Variants in THSD7B observed in about 807,000 individuals in gnomAD.
THSD7B encodes the protein thrombospondin type 1 domain containing 7B.
THSD7B carries 138 observed loss-of-function variants against 213.6 expected under a neutral mutation model. The ratio of observed to expected loss-of-function variants is 0.65; its 90% CI spans 0.56 to 0.74. The LOEUF (loss-of-function observed/expected upper bound fraction) is 0.74. THSD7B is among the 30% of genes least tolerant of loss of function. The pLI, the probability that THSD7B is intolerant of heterozygous loss-of-function variation, is 0.00. For missense variants in THSD7B, 1,931 were observed against 1,991.5 expected, an observed-to-expected ratio of 0.97 and a Z score of 0.58; for synonymous variants, 742 against 687.0, an observed-to-expected ratio of 1.08 and a Z score of -1.25.
intron 15 of THSD7B, chr2:137,452,024 G>A (rs1329363179): frequency 3.2e-6 from 3 of 943,108 alleles, no homozygotes; most frequent in East Asian, 1.1e-4. Flanking sequence ...AATTATAATA[G>A]CATGTTTAGT....
At position 137,616,091 on chromosome 2, in the gene THSD7B, A is replaced by G; in HGVS notation, c.3424-84A>G. The G allele has an allele frequency of 5.1e-6, 7 of 1,375,804 alleles. No homozygotes were observed. The South Asian group carries it at 1.0e-4, about 20-fold the overall frequency. The allele number at this position is 1,375,804 out of a possible 1,614,324, so 85.2% of individuals were successfully genotyped here. ...TAATCTATTCCCTATATTGTTACATATGTGCCTACTTATACCTGTATATCT... is the reference window on the plus strand; with the variant it reads ...TAATCTATTCCCTATATTGTTACATGTGTGCCTACTTATACCTGTATATCT... On this transcript the variant is annotated intron_variant, in intron 17 of 27. Coordinates refer to ENST00000409968, the MANE Select transcript of THSD7B (RefSeq NM_001316349.2).
At chr2:137,100,954 A>G (rs1235437592) in intron 4 of THSD7B, among the ~76,000 whole-genome samples, 1 of 152,144 alleles carries the variant, frequency 6.6e-6, no homozygotes, top group African/African-American at 2.4e-5. Context: ...GAATGATATC[A>G]TAGTCTGAAT....
chr2:137,069,542 T>C (rs946530496), intron 3 of THSD7B, among the ~76,000 whole-genome samples: 5 of 152,032 alleles, frequency 3.3e-5, no homozygotes, highest in African/African-American at 1.2e-4. Flanking sequence ...ATGTTAACCA[T>C]CTTTCAATTC....
intron 3 of THSD7B, among the ~76,000 whole-genome samples, chr2:137,071,318 G>A (rs1243750509): frequency 6.6e-6 from 1 of 152,192 alleles, no homozygotes; most frequent in African/African-American, 2.4e-5. Flanking sequence ...GTGATGATGA[G>A]CATTTCTTCA....
intron 10 of THSD7B, among the ~76,000 whole-genome samples, chr2:137,250,470 G>T (rs532751422): frequency 1.3e-5 from 2 of 152,082 alleles, no homozygotes; most frequent in Admixed American, 1.3e-4. Context: ...TATGTTGAAA[G>T]AATTATTACT....
chr2:137,292,569 G>GTAT (rs1683360102), intron 12 of THSD7B, among the ~76,000 whole-genome samples: 1 of 152,052 alleles, frequency 6.6e-6, no homozygotes. Context: ...GTTTGTATTG[G>GTAT]TATTATTATA....
chr2:137,625,449 A>T (rs986558581), intron 20 of THSD7B, among the ~76,000 whole-genome samples: 1 of 150,986 alleles, frequency 6.6e-6, no homozygotes, highest in South Asian at 2.1e-4. Flanking sequence ...CGTTGTGCAC[A>T]TGTGCCCTAG....
At chr2:137,357,389 A>C (rs1685157028) in intron 12 of THSD7B, among the ~76,000 whole-genome samples, 1 of 152,130 alleles carries the variant, frequency 6.6e-6, no homozygotes, top group Non-Finnish European at 1.5e-5. Flanking sequence ...GGGAAAAATA[A>C]TATGTTTTTC....
chr2:137,367,563 C>T (rs1685449563), intron 12 of THSD7B, among the ~76,000 whole-genome samples: 1 of 152,128 alleles, frequency 6.6e-6, no homozygotes, highest in Non-Finnish European at 1.5e-5. Context: ...CTCTGAGTTC[C>T]CTTCCAGCTT....
chr2:137,170,290 C>T (rs1680220160), intron 6 of THSD7B, among the ~76,000 whole-genome samples: 1 of 152,008 alleles, frequency 6.6e-6, no homozygotes, highest in African/African-American at 2.4e-5. Context: ...AATCTCGGAG[C>T]AGGAAGTTGT....
chr2:136,824,358 TATA>T (rs1333667213), intron 1 of THSD7B, among the ~76,000 whole-genome samples: 1 of 152,054 alleles, frequency 6.6e-6, no homozygotes, highest in Admixed American at 6.6e-5. Flanking sequence ...GATATATATA[TATA>T]AGCTCCCTTT....
At chr2:136,960,048 GA>G (rs1429116629) in intron 2 of THSD7B, among the ~76,000 whole-genome samples, 1 of 152,178 alleles carries the variant, frequency 6.6e-6, no homozygotes, top group Non-Finnish European at 1.5e-5. Flanking sequence ...GCAAGCAAAT[GA>G]ACCATTTGTG....
intron 1 of THSD7B, among the ~76,000 whole-genome samples, chr2:136,776,628 G>A (rs987509812): frequency 6.6e-6 from 1 of 152,164 alleles, no homozygotes; most frequent in African/African-American, 2.4e-5. Context: ...CATTGATTTG[G>A]CAACAAGGTT....
intron 17 of THSD7B, among the ~76,000 whole-genome samples, chr2:137,599,963 C>A (rs989947905): frequency 1.3e-5 from 2 of 152,034 alleles, no homozygotes; most frequent in Non-Finnish European, 2.9e-5. Context: ...CCATGCAAGG[C>A]GTGACAATTT....
intron 1 of THSD7B, among the ~76,000 whole-genome samples, chr2:136,863,685 G>A (rs1558830182): frequency 6.6e-6 from 1 of 152,130 alleles, no homozygotes; most frequent in Non-Finnish European, 1.5e-5. Flanking sequence ...TTGGCTTAGG[G>A]TCTTAGGAAG....
At chr2:137,490,742 A>G (rs188457538) in intron 15 of THSD7B, among the ~76,000 whole-genome samples, 1 of 152,348 alleles carries the variant, frequency 6.6e-6, no homozygotes, top group East Asian at 1.9e-4. Flanking sequence ...AATCCTGTAT[A>G]TGAAAGTTTA....
chr2:136,834,051 A>T (rs1682805775), intron 1 of THSD7B, among the ~76,000 whole-genome samples: 1 of 152,210 alleles, frequency 6.6e-6, no homozygotes, highest in Non-Finnish European at 1.5e-5. Context: ...ACTAATATGT[A>T]GCTAGTACAC....
In THSD7B at chr2:136,818,868, T is replaced by A. The variant is rs538875347; in HGVS notation, c.-36+53181T>A. On this transcript the variant is annotated intron_variant, in intron 1 of 27. Coordinates refer to ENST00000409968, the MANE Select transcript of THSD7B (RefSeq NM_001316349.2). ...GTGGCTTATAACTCTAATAAAATTA[T>A]GCTGTTATAAAGGAGAATTGTCATT... Among the ~76,000 whole-genome samples, 13 of 152,282 alleles carry A rather than the reference T, an allele frequency of 8.5e-5. No individual in the cohort carries two copies. The East Asian group carries it at 2.5e-3, about 29-fold the overall frequency.
At chr2:137,373,915 A>G (rs892342844) in intron 12 of THSD7B, among the ~76,000 whole-genome samples, 1 of 152,180 alleles carries the variant, frequency 6.6e-6, no homozygotes, top group Non-Finnish European at 1.5e-5. Flanking sequence ...CTTTCCACAT[A>G]TGGCTAGCCA....
Sources: gnomAD v4.1 joint callset for allele counts (sites outside exome capture counted in the v4.1 genomes callset) on GRCh38, gnomAD v4.1.1 for gene constraint, MANE v1.5 for transcripts, NCBI Gene and HGNC (gene_info 2026-07-23, HGNC 2026-07-21) for gene names.